Variants in NSG1 observed in about 807,000 individuals in gnomAD.
NSG1 encodes neuronal vesicle trafficking-associated protein 1.
Under a neutral mutation model 19.3 loss-of-function variants are expected in NSG1, and 9 were observed. That is an observed-to-expected ratio of 0.47 (90% CI 0.28 to 0.81). The LOEUF (loss-of-function observed/expected upper bound fraction) is 0.81. Ranked by LOEUF, NSG1 falls within the 40% of genes least tolerant of loss-of-function variation. The probability of loss-of-function intolerance (pLI) is 0.11; values close to 1 mark genes in which losing one functional copy is unlikely to be tolerated. For missense variants in NSG1, 236 were observed against 242.4 expected, an observed-to-expected ratio of 0.97 and a Z score of 0.18; for synonymous variants, 104 against 107.0, an observed-to-expected ratio of 0.97 and a Z score of 0.17.
Position 4,387,561 on chromosome 4 carries a change from C to T in NSG1, c.-26-43C>T, listed in dbSNP as rs552123278. ...TGCCCACTTCCCCCCCGCCCCGCCC[C>T]GGGTCTTGCTTGTGGTGACTCCCCC... is the stretch of plus-strand genomic sequence containing the variant. On this transcript the variant is annotated intron_variant, in intron 1 of 4. Transcript: ENST00000621129. 8 of 1,142,048 alleles carry T rather than the reference C, an allele frequency of 7.0e-6. No individual in the cohort carries two copies. The African/African-American group carries it at 1.3e-4, about 18-fold the overall frequency. 70.7% of individuals were successfully genotyped at this position (1,142,048 alleles called of 1,614,324 possible).
At chr4:4,413,056 C>A (rs1252371399) in intron 4 of NSG1, among the ~76,000 whole-genome samples, 1 of 149,966 alleles carries the variant, frequency 6.7e-6, no homozygotes, top group Non-Finnish European at 1.5e-5. Context: ...CTCTTCCTCC[C>A]TTGGGCAGGC....
chr4:4,396,857 G>C (rs1252273232), intron 3 of NSG1, among the ~76,000 whole-genome samples: 2 of 152,040 alleles, frequency 1.3e-5, no homozygotes, highest in Non-Finnish European at 2.9e-5. Flanking sequence ...AGCAGTGGGG[G>C]TGGGGGTTCT....
intron 3 of NSG1, among the ~76,000 whole-genome samples, chr4:4,399,488 ATATATAAGCC>A (rs59273574): frequency 6.6e-6 from 1 of 151,964 alleles, no homozygotes. Context: ...TATTTTGGAT[ATATATAAGCC>A]CTTGTAAGAT....
chr4:4,399,607 T>G (rs561388719), intron 3 of NSG1, among the ~76,000 whole-genome samples: 2 of 152,168 alleles, frequency 1.3e-5, no homozygotes, highest in Non-Finnish European at 2.9e-5. Context: ...GTTTCTTTGA[T>G]AAACAAAATC....
chr4:4,403,538 A>G (rs1391154959), intron 3 of NSG1, among the ~76,000 whole-genome samples: 2 of 152,138 alleles, frequency 1.3e-5, no homozygotes, highest in Non-Finnish European at 2.9e-5. Context: ...CTAGGAGGAC[A>G]CCTGTGATTA....
At chr4:4,387,544 TCC>T in intron 1 of NSG1, 58 bp from the exon 2 acceptor site, 1 of 520,918 alleles carries the variant, frequency 1.9e-6, no homozygotes. Flanking sequence ...GGTGCCCACT[TCC>T]CCCCCGCCCC....
chr4:4,403,015 G>A (rs560057225), intron 3 of NSG1, among the ~76,000 whole-genome samples: 92 of 152,346 alleles, frequency 6.0e-4, no homozygotes, highest in Middle Eastern at 3.4e-3. Flanking sequence ...ATGCGTAGAC[G>A]TTATTCTGGG....
chr4:4,405,007 C>T (rs1263867710), intron 3 of NSG1, among the ~76,000 whole-genome samples: 1 of 152,156 alleles, frequency 6.6e-6, no homozygotes, highest in Admixed American at 6.5e-5. Context: ...AGTCACTCTG[C>T]TGTTAGGGGC....
intron 3 of NSG1, among the ~76,000 whole-genome samples, chr4:4,392,410 C>A (rs1432964601): frequency 6.6e-6 from 1 of 152,184 alleles, no homozygotes; most frequent in Non-Finnish European, 1.5e-5. Context: ...TGCAGAGTGG[C>A]CCTGTCTGGC....
Position 4,400,673 on chromosome 4 carries a change from T to C in NSG1, c.247-8900T>C, listed in dbSNP as rs1472147414. 2.0e-5 allele frequency among the ~76,000 whole-genome samples: 3 copies of C among 152,348 alleles called. No homozygotes were observed. The East Asian group carries it at 5.8e-4, about 29-fold the overall frequency. ...GTGTACAAATTCCTTCACTTTTTAATGTAGGCAGTAAACCACAGAGGTATT... is the reference window on the plus strand; with the variant it reads ...GTGTACAAATTCCTTCACTTTTTAACGTAGGCAGTAAACCACAGAGGTATT... On this transcript the variant is annotated intron_variant, in intron 3 of 4. Transcript: ENST00000621129.
intron 3 of NSG1, among the ~76,000 whole-genome samples, chr4:4,394,629 G>T (rs1365219849): frequency 1.3e-5 from 2 of 152,184 alleles, no homozygotes; most frequent in African/African-American, 4.8e-5. Context: ...GAATGCTTAG[G>T]GACTCTTTGT....
At chr4:4,408,620 C>T (rs1338332577) in intron 3 of NSG1, among the ~76,000 whole-genome samples, 1 of 152,204 alleles carries the variant, frequency 6.6e-6, no homozygotes, top group Non-Finnish European at 1.5e-5. Flanking sequence ...CACCAACATG[C>T]CCGGCTAATT....
chr4:4,414,566 G>A (rs1049348578), intron 4 of NSG1, among the ~76,000 whole-genome samples: 9 of 152,166 alleles, frequency 5.9e-5, no homozygotes, highest in African/African-American at 1.4e-4. Context: ...ATATTTGTGC[G>A]TGTGTTTGTC....
Position 4,404,950 on chromosome 4 carries a change from CAGAG to C in NSG1, c.247-4619_247-4616del, listed in dbSNP as rs1723772414. The stretch of plus-strand genomic sequence containing the variant: ...TGGTGCGGAAGGAACGGGGTAATGG[CAGAG>C]AGAACAAGTATGGGGGAGGGGAGCC... On this transcript the variant is annotated intron_variant, in intron 3 of 4. Transcript: ENST00000621129. Among the ~76,000 whole-genome samples, 6 of 152,080 alleles carry C rather than the reference CAGAG, an allele frequency of 3.9e-5. No individual in the cohort carries two copies. In the South Asian group the frequency reaches 1.2e-3, roughly 32 times the overall value.
intron 3 of NSG1, among the ~76,000 whole-genome samples, chr4:4,406,924 G>A (rs549737474): frequency 2.0e-5 from 3 of 152,324 alleles, no homozygotes; most frequent in East Asian, 3.9e-4. Flanking sequence ...TGCCTCAGAC[G>A]GCTGCGCCTT....
intron 3 of NSG1, among the ~76,000 whole-genome samples, chr4:4,392,780 C>T (rs1051632238): frequency 6.6e-6 from 1 of 152,188 alleles, no homozygotes; most frequent in African/African-American, 2.4e-5. Flanking sequence ...CCTCTGCCTG[C>T]TCCCTACTAA....
intron 2 of NSG1, among the ~76,000 whole-genome samples, chr4:4,388,391 A>G (rs1365462939): frequency 6.6e-6 from 1 of 152,098 alleles, no homozygotes; most frequent in Non-Finnish European, 1.5e-5. Flanking sequence ...CCATTCATCA[A>G]CCTTTCCCCA....
intron 3 of NSG1, among the ~76,000 whole-genome samples, chr4:4,395,368 C>T (rs1470592817): frequency 6.6e-6 from 1 of 152,186 alleles, no homozygotes; most frequent in Non-Finnish European, 1.5e-5. Context: ...TGCATTCCAG[C>T]ACAGAAGCTG....
intron 3 of NSG1, 64 bp downstream of exon 3, chr4:4,391,655 T>C (rs922792137): frequency 9.0e-7 from 1 of 1,106,164 alleles, no homozygotes; most frequent in African/African-American, 1.6e-5. Flanking sequence ...CTGAGCTGCA[T>C]AGATGCCCTG....
Sources: gnomAD v4.1 joint callset for allele counts (sites outside exome capture counted in the v4.1 genomes callset) on GRCh38, gnomAD v4.1.1 for gene constraint, MANE v1.5 for transcripts, NCBI Gene and HGNC (gene_info 2026-07-23, HGNC 2026-07-21) for gene names.